The following DOP1B variants were observed in gnomAD, a reference collection of about 807,000 sequenced individuals.
DOP1B encodes protein DOP1B.
DOP1B carries 174 observed loss-of-function variants against 233.5 expected under a neutral mutation model. That is an observed-to-expected ratio of 0.75 (90% CI 0.66 to 0.85). The LOEUF (loss-of-function observed/expected upper bound fraction) is 0.85. Ranked by LOEUF, DOP1B falls within the 40% of genes least tolerant of loss-of-function variation. DOP1B has a pLI of 0.00. For synonymous variants in DOP1B, 1,190 were observed against 1,185.6 expected (o/e 1.00, Z -0.08); for missense variants, 2,652 against 2,846.6 (o/e 0.93, Z 1.56).
chr21:36,219,296 AT>A (rs1233470456), intron 9 of DOP1B, 75 bp from the exon 10 acceptor site: 1 of 1,563,552 alleles, frequency 6.4e-7, no homozygotes, highest in Non-Finnish European at 8.8e-7. Flanking sequence ...TATATGTCTT[AT>A]GTATATACAT....
chr21:36,226,565 C>T (rs1287021381), intron 12 of DOP1B, among the ~76,000 whole-genome samples: 1 of 152,028 alleles, frequency 6.6e-6, no homozygotes, highest in Non-Finnish European at 1.5e-5. Context: ...TCCCAAAGTG[C>T]TGGGATTACA....
Position 36,164,754 on chromosome 21 carries a change from G to T in DOP1B, c.21G>T (p.Glu7Asp). Reference protein sequence around the residue: MDPEEQELLNDYRYRSY... With the variant: MDPEEQDLLNDYRYRSY... ...GTAAGATGGATCCAGAAGAGCAGGA[G>T]CTCTTAAATGATTACAGATACAGAA... Residue 7 changes from glutamate (E) to aspartate (D), a missense_variant, in exon 2 of 37, where the codon GAG becomes GAT. By Grantham distance (45) the Glu-to-Asp change is conservative. Transcript: ENST00000691173. 2 of 1,604,092 alleles carry T rather than the reference G, an allele frequency of 1.2e-6. No individual in the cohort carries two copies. Among genetic ancestry groups the T allele is most frequent in the South Asian group, 1.1e-5 (1 of 89,002 alleles).
At chr21:36,266,382 G>T (rs1181764844) in intron 26 of DOP1B, among the ~76,000 whole-genome samples, 2 of 152,216 alleles carry the variant, frequency 1.3e-5, no homozygotes, top group Middle Eastern at 3.4e-3. Context: ...CACCATGTTG[G>T]CCAGGCTGGT....
Position 36,225,540 on chromosome 21 carries a change from A to AT in DOP1B, c.1371-19dup, listed in dbSNP as rs760122066. On this transcript the variant is annotated intron_variant, in intron 11 of 36. Coordinates refer to ENST00000691173, the MANE Select transcript of DOP1B (RefSeq NM_001320714.2). ...GCCTCCATGCCTGGCCAAAGAATGG[A>AT]TTTTTTCTTTGCTGTGATTTATAGA... 83 of 1,613,380 alleles carry AT rather than the reference A, an allele frequency of 5.1e-5. 1 individual carries two copies. Among genetic ancestry groups the AT allele is most frequent in the Middle Eastern group, 3.3e-4 (2 of 6,060 alleles).
In DOP1B at chr21:36,251,178, T is replaced by A; in HGVS notation, c.5015T>A (p.Ile1672Asn). 6.2e-7 allele frequency: 1 copy of A among 1,612,106 alleles called. No individual in the cohort carries two copies. The highest frequency in any genetic ancestry group is 8.5e-7 in the Non-Finnish European group (1 of 1,179,570). ...FKTTKTIRQK[I>N]LDFLNPLTAH... Reference sequence around the variant, plus strand: ...ATTTTCTAGACCATAAGACAAAAAATTTTAGACTTCTTAAACCCCTTGACG... The same window carrying A: ...ATTTTCTAGACCATAAGACAAAAAAATTTAGACTTCTTAAACCCCTTGACG... Residue 1672 changes from isoleucine to asparagine, a missense_variant, in exon 22 of 37, where the codon ATT (isoleucine) becomes AAT (asparagine). Ile to Asn is a moderately radical substitution (Grantham distance 149). This residue lies in a region of DOP1B where 2,617 missense variants were observed against 2,794.3 expected (regional missense o/e 0.94). Coordinates refer to ENST00000691173, the MANE Select transcript of DOP1B (RefSeq NM_001320714.2).
intron 27 of DOP1B, among the ~76,000 whole-genome samples, chr21:36,274,769 G>A (rs1384799121): frequency 1.3e-5 from 2 of 152,046 alleles, no homozygotes; most frequent in African/African-American, 2.4e-5. Context: ...AGTGGAGGTC[G>A]GTAACTCTTT....
At chr21:36,220,651 C>T (rs2066613431) in intron 10 of DOP1B, among the ~76,000 whole-genome samples, 2 of 149,244 alleles carry the variant, frequency 1.3e-5, no homozygotes, top group Non-Finnish European at 3.0e-5. Context: ...CAGACATGCA[C>T]CACCATGCCC....
intron 30 of DOP1B, among the ~76,000 whole-genome samples, chr21:36,278,989 TG>T (rs2067384910): frequency 6.6e-6 from 1 of 152,108 alleles, no homozygotes; most frequent in African/African-American, 2.4e-5. Flanking sequence ...TGGGTGACCC[TG>T]GGGGTGTCTT....
chr21:36,202,995 C>T (rs1463638506), intron 4 of DOP1B, among the ~76,000 whole-genome samples: 1 of 152,196 alleles, frequency 6.6e-6, no homozygotes, highest in Non-Finnish European at 1.5e-5. Flanking sequence ...GACAGATGAA[C>T]ACATTAGTTC....
intron 22 of DOP1B, among the ~76,000 whole-genome samples, chr21:36,251,546 T>A (rs1022836621): frequency 6.6e-6 from 1 of 152,116 alleles, no homozygotes; most frequent in African/African-American, 2.4e-5. Flanking sequence ...CAGCCTCCCA[T>A]GTAACTGGAA....
At chr21:36,281,291 G>A (rs903064096) in intron 31 of DOP1B, among the ~76,000 whole-genome samples, 192 bp from the exon 32 acceptor site, 12 of 152,184 alleles carry the variant, frequency 7.9e-5, no homozygotes, top group African/African-American at 2.7e-4. Context: ...ATGAGATCCT[G>A]TCTCAAATAA....
At chr21:36,179,843 G>A (rs1186632331) in intron 2 of DOP1B, among the ~76,000 whole-genome samples, 1 of 152,164 alleles carries the variant, frequency 6.6e-6, no homozygotes, top group African/African-American at 2.4e-5. Flanking sequence ...TCTGAATAAA[G>A]CTGTAATGAA....
At chr21:36,216,748 A>C (rs534846411) in intron 9 of DOP1B, among the ~76,000 whole-genome samples, 1 of 152,162 alleles carries the variant, frequency 6.6e-6, no homozygotes, top group South Asian at 2.1e-4. Flanking sequence ...CTCCAGGTGT[A>C]CCTACCTCCT....
At chr21:36,195,138 C>T (rs1353963891) in intron 2 of DOP1B, among the ~76,000 whole-genome samples, 1 of 152,058 alleles carries the variant, frequency 6.6e-6, no homozygotes, top group African/African-American at 2.4e-5. Flanking sequence ...GCCAGGAGTT[C>T]AAGACCATCC....
chr21:36,214,103 C>G lies in DOP1B; in HGVS notation c.927C>G (p.Thr309=), dbSNP rs1002961018. ...WLLGSDIKGN[T]VVPESEISNS... ...TAGGCTCAGACATAAAAGGAAATAC[C>G]GTTGTGCCAGAATCTGAAATCTCAA... is the stretch of plus-strand genomic sequence containing the variant. Residue 309 remains threonine, a synonymous_variant, in exon 8 of 37, where the codon ACC becomes ACG. Coordinates refer to ENST00000691173, the MANE Select transcript of DOP1B (RefSeq NM_001320714.2). 6.2e-7 allele frequency: 1 copy of G among 1,613,784 alleles called. No individual in the cohort carries two copies. Among genetic ancestry groups the G allele is most frequent in the East Asian group, 2.2e-5 (1 of 44,862 alleles).
intron 22 of DOP1B, among the ~76,000 whole-genome samples, chr21:36,253,523 A>G (rs974927788): frequency 6.6e-6 from 1 of 152,034 alleles, no homozygotes; most frequent in Non-Finnish European, 1.5e-5. Flanking sequence ...AGACCAGCCT[A>G]GCCAACATGG....
intron 2 of DOP1B, among the ~76,000 whole-genome samples, chr21:36,175,994 C>A (rs2066019938): frequency 6.6e-6 from 1 of 151,942 alleles, no homozygotes; most frequent in African/African-American, 2.4e-5. Flanking sequence ...CCCAGATGGT[C>A]TTTTATCACA....
intron 21 of DOP1B, among the ~76,000 whole-genome samples, chr21:36,248,911 C>T (rs1224173266): frequency 6.6e-6 from 1 of 151,992 alleles, no homozygotes; most frequent in South Asian, 2.1e-4. Context: ...TCAAGAACAG[C>T]CTGGCCAACA....
At chr21:36,217,456 G>A (rs1177639607) in intron 9 of DOP1B, among the ~76,000 whole-genome samples, 1 of 152,206 alleles carries the variant, frequency 6.6e-6, no homozygotes, top group African/African-American at 2.4e-5. Context: ...GGTTGGGTGG[G>A]AGTAGGTAAT....
Sources: allele counts gnomAD v4.1 joint callset (sites outside exome capture counted in the v4.1 genomes callset), GRCh38; gene constraint gnomAD v4.1.1; regional missense constraint gnomAD v4.1.1; transcripts MANE v1.5; gene names NCBI Gene and HGNC (gene_info 2026-07-23, HGNC 2026-07-21).